TARBP1: variants seen among roughly 807,000 people sequenced by gnomAD.
The protein encoded by TARBP1 is tRNA (guanosine(18)-2'-O)-methyltransferase TARBP1.
In TARBP1, 144 loss-of-function variants were observed where a neutral mutation model predicts 178.6. The ratio of observed to expected loss-of-function variants is 0.81; its 90% confidence interval spans 0.70 to 0.93. TARBP1 has a LOEUF of 0.93. Among genes scored for constraint, TARBP1 ranks in the 40% least tolerant of loss-of-function variants. The pLI is 0.00. For synonymous variants in TARBP1, 787 were observed against 781.0 expected (o/e 1.01, Z -0.13); for missense variants, 2,067 against 2,011.7 (o/e 1.03, Z -0.53).
intron 3 of TARBP1, 85 bp from the exon 4 acceptor site, chr1:234,467,735 C>T: frequency 7.7e-7 from 1 of 1,291,112 alleles, no homozygotes; most frequent in South Asian, 1.8e-5. Context: ...AATGTACAAA[C>T]ACACACAATA....
At chr1:234,464,000 G>T in intron 5 of TARBP1, 66 bp from the exon 6 acceptor site, 1 of 1,005,194 alleles carries the variant, frequency 9.9e-7, no homozygotes, top group South Asian at 2.2e-5. Flanking sequence ...ACTAAAACTA[G>T]CCTAAATGGA....
intron 1 of TARBP1, among the ~76,000 whole-genome samples, chr1:234,474,847 C>G (rs1195463122): frequency 6.6e-6 from 1 of 152,106 alleles, no homozygotes; most frequent in Non-Finnish European, 1.5e-5. Flanking sequence ...AGAGGAAAGG[C>G]TGAAAAATCT....
chr1:234,478,243 C>T lies in TARBP1; in HGVS notation c.861G>A (p.Leu287=). 1 of 1,610,288 alleles carries T rather than the reference C, an allele frequency of 6.2e-7. No individual in the cohort carries two copies. Among genetic ancestry groups the T allele is most frequent in the Non-Finnish European group, 8.5e-7 (1 of 1,179,062 alleles). ...CCGACACCTCCACCGCCCTCTGCAG[C>T]AGGTAGCGCGCTCGCTTGCGCGTCA... is the stretch of plus-strand genomic sequence containing the variant. ...DALTRKRARY[L]LQRAVEVSAE... Residue 287 remains leucine, a synonymous_variant, in exon 1 of 30, where the codon CTG becomes CTA. Coordinates refer to ENST00000040877, the MANE Select transcript of TARBP1 (RefSeq NM_005646.4).
intron 1 of TARBP1, among the ~76,000 whole-genome samples, chr1:234,475,963 G>A (rs1348393516): frequency 3.4e-5 from 5 of 145,330 alleles, no homozygotes; most frequent in Non-Finnish European, 6.1e-5. Flanking sequence ...ATGCCACAAA[G>A]TAACGGTGCC....
chr1:234,427,390 T>A lies in TARBP1; in HGVS notation c.3252-2A>T. 2.5e-6 allele frequency: 4 copies of A among 1,602,868 alleles called. No individual in the cohort carries two copies. Among genetic ancestry groups the A allele is most frequent in the Non-Finnish European group, 3.4e-6 (4 of 1,176,256 alleles). On this transcript the variant is annotated splice_acceptor_variant, in intron 18 of 29. Coordinates refer to ENST00000040877, the MANE Select transcript of TARBP1 (RefSeq NM_005646.4). LOFTEE classifies it high-confidence loss of function. ...AAGGTCTGTACATCCTGAACAAGTC[T>A]TTCCATAAAAAACATTTGATAAAGA... is the stretch of plus-strand genomic sequence containing the variant.
At chr1:234,475,829 T>C (rs145736651) in intron 1 of TARBP1, among the ~76,000 whole-genome samples, 13 of 152,288 alleles carry the variant, frequency 8.5e-5, no homozygotes, top group African/African-American at 3.1e-4. Context: ...AGAAAAACCT[T>C]TCGAGACTCC....
At chr1:234,425,880 A>T in intron 19 of TARBP1, 87 bp from the exon 20 acceptor site, 1 of 1,100,770 alleles carries the variant, frequency 9.1e-7, no homozygotes, top group Non-Finnish European at 1.3e-6. Flanking sequence ...TCATTACACG[A>T]TCAAAACCTC....
In TARBP1 at chr1:234,437,290, C is replaced by T. The variant is rs1382267832; in HGVS notation, c.2217G>A (p.Met739Ile). ...GAATACTTACACTATTTAGCTCATT[C>T]ATAGTAAGTCTTCTGAGAATAAATT... is the stretch of plus-strand genomic sequence containing the variant. Reference protein sequence around the residue: ...ISEFILRRLTMNELNSVSDLD... With the variant: ...ISEFILRRLTINELNSVSDLD... Residue 739 changes from methionine to isoleucine, a missense_variant, in exon 13 of 30, where the codon ATG (methionine) becomes ATA (isoleucine). Coordinates refer to ENST00000040877, the MANE Select transcript of TARBP1 (RefSeq NM_005646.4). 6.4e-7 allele frequency: 1 copy of T among 1,560,238 alleles called. No homozygotes were observed. The highest frequency in any genetic ancestry group is 1.4e-5 in the African/African-American group (1 of 73,524).
chr1:234,438,814 A>C (rs1665298091), intron 12 of TARBP1, among the ~76,000 whole-genome samples: 1 of 152,250 alleles, frequency 6.6e-6, no homozygotes, highest in African/African-American at 2.4e-5. Context: ...AAAAGGATAC[A>C]TCCAAAGAAA....
chr1:234,469,840 A>T (rs1449923501), intron 3 of TARBP1, among the ~76,000 whole-genome samples: 2 of 152,256 alleles, frequency 1.3e-5, no homozygotes, highest in East Asian at 3.8e-4. Flanking sequence ...ACACATTTGA[A>T]ATTATATCCC....
At chr1:234,477,118 C>G (rs7521335) in intron 1 of TARBP1, among the ~76,000 whole-genome samples, 16,712 of 152,214 alleles carry the variant, frequency 0.11, 2,503 homozygotes, top group East Asian at 0.75. Flanking sequence ...CCGGGAAGTG[C>G]AGGTTGCGGT....
chr1:234,434,985 T>C (rs903284227), intron 13 of TARBP1, among the ~76,000 whole-genome samples: 1 of 152,210 alleles, frequency 6.6e-6, no homozygotes, highest in African/African-American at 2.4e-5. Flanking sequence ...AAATACAGTT[T>C]GGAAAGTATC....
At chr1:234,463,011 A>G (rs577241195) in intron 6 of TARBP1, among the ~76,000 whole-genome samples, 1 of 152,368 alleles carries the variant, frequency 6.6e-6, no homozygotes, top group African/African-American at 2.4e-5. Context: ...AACAAAAATC[A>G]CAGTGCTTTT....
chr1:234,403,808 C>T (rs916632841), intron 24 of TARBP1, among the ~76,000 whole-genome samples: 6 of 152,154 alleles, frequency 3.9e-5, no homozygotes, highest in East Asian at 1.9e-4. Context: ...CTCAGCCTCC[C>T]GAGTAGCTGA....
chr1:234,478,879 G>C lies in TARBP1; in HGVS notation c.225C>G (p.Ser75Arg). The C allele has an allele frequency of 7.6e-7, 1 of 1,312,850 alleles. No individual in the cohort carries two copies. Among genetic ancestry groups the C allele is most frequent in the South Asian group, 2.1e-5 (1 of 47,456 alleles). The allele number at this position is 1,312,850 out of a possible 1,614,324, so 81.3% of individuals were successfully genotyped here. ...AAGYLVPLLR[S>R]LRGRPAGGPD... ...GGCCGCCCGCGGGGCGTCCGCGCAG[G>C]CTCCGCAGCAGTGGCACGAGGTACC... The change falls in exon 1 of 30, where the codon AGC becomes AGG. Residue 75 changes from serine to arginine, a missense_variant. Coordinates refer to ENST00000040877, the MANE Select transcript of TARBP1 (RefSeq NM_005646.4).
At chr1:234,434,249 T>C (rs1664782292) in intron 13 of TARBP1, among the ~76,000 whole-genome samples, 1 of 152,210 alleles carries the variant, frequency 6.6e-6, no homozygotes. Context: ...GAGATAGTAA[T>C]ATTTATCCAT....
intron 23 of TARBP1, among the ~76,000 whole-genome samples, chr1:234,408,717 C>G (rs1248524534): frequency 1.3e-5 from 2 of 152,130 alleles, no homozygotes; most frequent in Non-Finnish European, 2.9e-5. Context: ...TCCGACCCAA[C>G]CAATCAACAC....
At chr1:234,423,746 G>GA (rs1663378902) in intron 20 of TARBP1, among the ~76,000 whole-genome samples, 1 of 140,626 alleles carries the variant, frequency 7.1e-6, no homozygotes, top group South Asian at 2.2e-4. Context: ...TCTTTTTTCT[G>GA]AATTTTTTTT....
chr1:234,401,844 A>G (rs888027634), intron 24 of TARBP1, among the ~76,000 whole-genome samples: 22 of 152,030 alleles, frequency 1.4e-4, no homozygotes, highest in Non-Finnish European at 2.9e-4. Flanking sequence ...CCCTCTCACT[A>G]TCAGCAGACA....
Sources: allele counts gnomAD v4.1 joint callset (sites outside exome capture counted in the v4.1 genomes callset), GRCh38; gene constraint gnomAD v4.1.1; transcripts MANE v1.5; gene names NCBI Gene and HGNC (gene_info 2026-07-23, HGNC 2026-07-21).